The following CPM variants were observed in gnomAD, a reference collection of about 807,000 sequenced individuals.
CPM encodes the protein carboxypeptidase M.
CPM carries 35 observed loss-of-function variants against 46.4 expected under a neutral mutation model. The observed-to-expected ratio is 0.75, with a 90% CI of 0.58 to 1.00. CPM has a LOEUF of 1.00. CPM is among the 50% of genes least tolerant of loss of function. The pLI is 0.00. For missense variants in CPM, 422 were observed against 530.4 expected (o/e 0.80, Z 2.01); for synonymous variants, 195 against 195.3 (o/e 1.00, Z 0.01).
At chr12:68,903,715 T>A (rs994879239) in intron 2 of CPM, among the ~76,000 whole-genome samples, 1 of 152,250 alleles carries the variant, frequency 6.6e-6, no homozygotes, top group African/African-American at 2.4e-5. Context: ...CAAACTGTTC[T>A]CAAGAAAGAG....
chr12:68,844,944 T>G (rs1820268737), intron 5 of CPM: 1 of 194,838 alleles, frequency 5.1e-6, no homozygotes, highest in African/African-American at 2.3e-5. Context: ...ATTTTTGTAT[T>G]TCTAGCAGAG....
rs573694089 is a variant in CPM at position 68,857,539 on chromosome 12, T to C, written c.1090-860A>G. Among the ~76,000 whole-genome samples the C allele has an allele frequency of 4.6e-5, 7 of 152,176 alleles. No individual in the cohort carries two copies. In the East Asian group the frequency reaches 7.7e-4, roughly 17 times the overall value. On this transcript the variant is annotated intron_variant, in intron 8 of 8. Transcript: ENST00000551568. ...TTTGGTTAGGCTTTCTTTTTTTTTT[T>C]AGTGGAGGAAATGATCAGGACAAGA...
At position 68,856,601 on chromosome 12, in the gene CPM, T is replaced by C; in HGVS notation, c.1168A>G (p.Lys390Glu). The change falls in exon 9 of 9, where the codon AAG (lysine) becomes GAG (glutamate). Residue 390 changes from lysine to glutamate, a missense_variant. By Grantham distance (56) the Lys-to-Glu change is moderately conservative (BLOSUM62 1). Transcript: ENST00000551568. ...CCTTGGAATGGAAGTAGAATATCCT[T>C]TTTAAGAGCACTGAAGTTCTGGGAT... ...EKSQNFSALK[K>E]DILLPFQGQL... 6.2e-7 allele frequency: 1 copy of C among 1,614,248 alleles called. No homozygotes were observed. Among genetic ancestry groups the C allele is most frequent in the Non-Finnish European group, 8.5e-7 (1 of 1,180,026 alleles).
chr12:68,945,065 G>A (rs1592713596), intron 1 of CPM, among the ~76,000 whole-genome samples: 1 of 152,140 alleles, frequency 6.6e-6, no homozygotes, highest in East Asian at 1.9e-4. Context: ...ATCTATAAGA[G>A]CAATTGGGGA....
chr12:68,880,987 G>A (rs770729930), intron 3 of CPM, among the ~76,000 whole-genome samples: 9 of 152,182 alleles, frequency 5.9e-5, no homozygotes, highest in Non-Finnish European at 1.2e-4. Flanking sequence ...GCAAGAATAA[G>A]AGAATACGTG....
In CPM at chr12:68,933,122, C is replaced by A; in HGVS notation, c.-4+20G>T. On this transcript the variant is annotated intron_variant, in intron 1 of 8. Transcript: ENST00000551568. ...GCAGCTGCCACAGCTGCGCCCGGCCCCGCGCACCCCCAGCCTCACCAGGTC... is the reference window on the plus strand; with the variant it reads ...GCAGCTGCCACAGCTGCGCCCGGCCACGCGCACCCCCAGCCTCACCAGGTC... 3.1e-6 allele frequency: 1 copy of A among 324,178 alleles called. No individual in the cohort carries two copies. The allele number at this position is 324,178 out of a possible 1,614,324, so 20.1% of individuals were successfully genotyped here.
intron 7 of CPM, 26 bp from the exon 8 acceptor site, chr12:68,859,097 AT>A (rs1885100810): frequency 1.5e-6 from 2 of 1,324,606 alleles, no homozygotes; most frequent in African/African-American, 3.1e-5. Flanking sequence ...AAAATTAAAT[AT>A]TAATACCATA....
intron 2 of CPM, among the ~76,000 whole-genome samples, chr12:68,889,323 C>T (rs1191009112): frequency 6.6e-6 from 1 of 152,076 alleles, no homozygotes; most frequent in Non-Finnish European, 1.5e-5. Flanking sequence ...GAATGCACTA[C>T]CATTTATTCA....
At chr12:68,870,477 T>C in intron 4 of CPM, 78 bp from the exon 5 acceptor site, 1 of 1,331,252 alleles carries the variant, frequency 7.5e-7, no homozygotes, top group Non-Finnish European at 1.0e-6. Context: ...GCCCTTTGGT[T>C]TAGGCTCCAG....
At chr12:68,932,602 G>A (rs1888555132) in intron 2 of CPM, 76 bp downstream of exon 2, 1 of 1,546,378 alleles carries the variant, frequency 6.5e-7, no homozygotes, top group Non-Finnish European at 8.9e-7. Context: ...GAGCAGACAG[G>A]AAGCTGGGGC....
chr12:68,873,665 C>T (rs1348237633), intron 3 of CPM, among the ~76,000 whole-genome samples: 2 of 120,142 alleles, frequency 1.7e-5, no homozygotes, highest in African/African-American at 3.4e-5. Context: ...GAGACCCTGT[C>T]TCAAAAAAAA....
intron 2 of CPM, among the ~76,000 whole-genome samples, chr12:68,902,058 G>A (rs925521030): frequency 3.3e-5 from 5 of 152,052 alleles, no homozygotes; most frequent in Admixed American, 6.5e-5. Context: ...ATCCTTTAAC[G>A]AAATCATAAC....
intron 2 of CPM, among the ~76,000 whole-genome samples, chr12:68,891,055 T>C (rs539001158): frequency 5.1e-4 from 78 of 152,384 alleles, no homozygotes; most frequent in African/African-American, 1.7e-3. Context: ...GAGAGTTTCC[T>C]CAATGAACTG....
upstream of CPM, among the ~76,000 whole-genome samples, chr12:68,935,295 CTG>C (rs940038258): frequency 6.6e-6 from 1 of 151,854 alleles, no homozygotes; most frequent in African/African-American, 2.4e-5. Flanking sequence ...CAGTCTCACT[CTG>C]TTGCCCAGGC....
At chr12:68,860,752 A>G (rs1045858718) in intron 7 of CPM, among the ~76,000 whole-genome samples, 6 of 152,242 alleles carry the variant, frequency 3.9e-5, no homozygotes, top group Admixed American at 2.0e-4. Flanking sequence ...GTCACTGAAC[A>G]TTCCCAAGCC....
intron 2 of CPM, among the ~76,000 whole-genome samples, chr12:68,903,821 C>T (rs1033592877): frequency 1.3e-5 from 2 of 151,958 alleles, no homozygotes; most frequent in East Asian, 1.9e-4. Context: ...TCCCTCTGTC[C>T]GTCCCGCCGT....
intron 2 of CPM, among the ~76,000 whole-genome samples, chr12:68,896,344 C>T (rs1446443079): frequency 1.3e-5 from 2 of 152,146 alleles, no homozygotes; most frequent in African/African-American, 4.8e-5. Context: ...TGCAACCCCT[C>T]TCCTATCATT....
At chr12:68,901,045 G>A (rs887484090) in intron 2 of CPM, among the ~76,000 whole-genome samples, 6 of 152,208 alleles carry the variant, frequency 3.9e-5, no homozygotes, top group Admixed American at 2.0e-4. Context: ...GGCTATGCGC[G>A]TGTGGGGATA....
At chr12:68,917,473 A>C (rs1887858599) in intron 2 of CPM, among the ~76,000 whole-genome samples, 1 of 152,256 alleles carries the variant, frequency 6.6e-6, no homozygotes, top group Admixed American at 6.5e-5. Context: ...TATAGAAATT[A>C]ACTTTATGGC....
Sources: gnomAD v4.1 joint callset for allele counts (sites outside exome capture counted in the v4.1 genomes callset) on GRCh38, gnomAD v4.1.1 for gene constraint, MANE v1.5 for transcripts, NCBI Gene and HGNC (gene_info 2026-07-23, HGNC 2026-07-21) for gene names.